Variants in HAPLN3 observed in about 807,000 individuals in gnomAD.
The protein encoded by HAPLN3 is extracellular link domain containing, 1.
Under a neutral mutation model 28.1 loss-of-function variants are expected in HAPLN3, and 28 were observed. The observed-to-expected ratio is 1.00, with a 90% CI of 0.74 to 1.37. The LOEUF (loss-of-function observed/expected upper bound fraction) is 1.37. Among genes scored for constraint, HAPLN3 ranks in the 40% most tolerant of loss-of-function variants. The probability of loss-of-function intolerance (pLI) is 0.00; values close to 1 mark genes in which losing one functional copy is unlikely to be tolerated. For missense variants in HAPLN3, 513 were observed against 504.6 expected, an observed-to-expected ratio of 1.02 and a Z score of -0.16; for synonymous variants, 211 against 213.1, an observed-to-expected ratio of 0.99 and a Z score of 0.09.
chr15:88,889,582 C>T (rs970147334), intron 1 of HAPLN3, among the ~76,000 whole-genome samples: 13 of 152,228 alleles, frequency 8.5e-5, no homozygotes, highest in African/African-American at 2.9e-4. Context: ...GTGATCCGCC[C>T]ACCTCGGCCT....
chr15:88,878,861 T>C lies in HAPLN3; in HGVS notation c.796+106A>G, dbSNP rs944850699. On this transcript the variant is annotated intron_variant, in intron 4 of 4. Transcript: ENST00000359595. ...GGTGCTCTTGGCCTCCAGGTGGCAG[T>C]ACCAGCAGAGCCAGCAGAGGGGGCC... 5.6e-6 allele frequency: 7 copies of C among 1,254,932 alleles called. No individual in the cohort carries two copies. In the African/African-American group the frequency reaches 1.1e-4, roughly 19 times the overall value. The allele number at this position is 1,254,932 out of a possible 1,614,324, so 77.7% of individuals were successfully genotyped here. A position where few individuals can be genotyped will look rare whatever the true frequency, so the allele number is the denominator to read the frequency against.
chr15:88,884,769 G>A (rs889263655), intron 2 of HAPLN3, among the ~76,000 whole-genome samples: 4 of 152,046 alleles, frequency 2.6e-5, no homozygotes, highest in African/African-American at 9.7e-5. Context: ...ATGCAAATGC[G>A]CAAGTACCTG....
At chr15:88,886,060 G>A (rs566128812) in intron 2 of HAPLN3, among the ~76,000 whole-genome samples, 1 of 152,238 alleles carries the variant, frequency 6.6e-6, no homozygotes, top group African/African-American at 2.4e-5. Context: ...TTAAAAATGT[G>A]TATTTTCGGC....
At chr15:88,893,838 G>T (rs1404579006) in intron 1 of HAPLN3, among the ~76,000 whole-genome samples, 4 of 150,316 alleles carry the variant, frequency 2.7e-5, no homozygotes, top group Non-Finnish European at 4.4e-5. Context: ...TGAAGCAGAA[G>T]AATCGCTTGA....
chr15:88,883,292 G>C (rs927753704), intron 2 of HAPLN3, among the ~76,000 whole-genome samples: 1 of 152,246 alleles, frequency 6.6e-6, no homozygotes, highest in African/African-American at 2.4e-5. Context: ...GGCTCATTCA[G>C]ATTAGAGCTG....
rs1213159720 is a variant in HAPLN3 at position 88,888,085 on chromosome 15, G to A, written c.-47-740C>T. On this transcript the variant is annotated intron_variant, in intron 1 of 4. Transcript: ENST00000359595. The surrounding 1 kb of genome is among the most constrained non-coding windows in gnomAD (Gnocchi z 4.1). ...AATAGAGGGTATGTTAAGTAAAGAT[G>A]AGTCCTGCATTGTGAACCCTTTTTT... 2.0e-5 allele frequency among the ~76,000 whole-genome samples: 3 copies of A among 151,458 alleles called. No homozygotes were observed. Among genetic ancestry groups the A allele is most frequent in the South Asian group, 2.1e-4 (1 of 4,802 alleles).
rs1423350820 is a variant in HAPLN3, at chr15:88,878,006, G to A, written c.1047C>T (p.Ser349=). 6.2e-7 allele frequency: 1 copy of A among 1,613,596 alleles called. No homozygotes were observed. Among genetic ancestry groups the A allele is most frequent in the East Asian group, 2.2e-5 (1 of 44,876 alleles). The change falls in exon 5 of 5, where the codon AGC becomes AGT. Residue 349 remains serine, a synonymous_variant. Coordinates refer to ENST00000359595, the MANE Select transcript of HAPLN3 (RefSeq NM_178232.4). ...VRSFGFPDPQ[S]RLYGVYCYRQ... Reference sequence around the variant, plus strand: ...GGTAGCAGTAAACACCGTACAAGCGGCTCTGCGGGTCGGGGAAGCCAAAGC... The same window carrying A: ...GGTAGCAGTAAACACCGTACAAGCGACTCTGCGGGTCGGGGAAGCCAAAGC...
Position 88,881,017 on chromosome 15 carries a change from T to C in HAPLN3, c.493+340A>G, listed in dbSNP as rs978635270. 5 of 337,578 alleles carry C rather than the reference T, an allele frequency of 1.5e-5. No homozygotes were observed. The highest frequency in any genetic ancestry group is 1.4e-4 in the Admixed American group (3 of 21,172). 20.9% of individuals were successfully genotyped at this position (337,578 alleles called of 1,614,324 possible). The stretch of plus-strand genomic sequence containing the variant: ...GCTAACCTTGCTTAAATCTCAGCTC[T>C]GTCTCTAATAAGCTGTGGGACCAGC... On this transcript the variant is annotated intron_variant, in intron 3 of 4. Coordinates refer to ENST00000359595, the MANE Select transcript of HAPLN3 (RefSeq NM_178232.4). This position sits in a 1 kb window ranked among gnomAD's most constrained non-coding sequence, Gnocchi z 6.0.
chr15:88,887,070 G>C, intron 2 of HAPLN3, 105 bp downstream of exon 2: 2 of 1,276,148 alleles, frequency 1.6e-6, no homozygotes, highest in Non-Finnish European at 2.3e-6. Flanking sequence ...TGCTGGAACA[G>C]GGCTGCTGTC....
chr15:88,894,525 A>C (rs957506133), intron 1 of HAPLN3, among the ~76,000 whole-genome samples: 1 of 152,188 alleles, frequency 6.6e-6, no homozygotes, highest in East Asian at 1.9e-4. Context: ...TGTTTGCACA[A>C]GGCTTGATCT....
chr15:88,891,592 C>G (rs979475374), intron 1 of HAPLN3, among the ~76,000 whole-genome samples: 1 of 152,218 alleles, frequency 6.6e-6, no homozygotes, highest in Non-Finnish European at 1.5e-5. Context: ...GCCACCACAC[C>G]TGGTATCTCT....
chr15:88,889,075 T>G (rs538586060), intron 1 of HAPLN3, among the ~76,000 whole-genome samples: 7 of 152,310 alleles, frequency 4.6e-5, no homozygotes, highest in Non-Finnish European at 1.0e-4. Flanking sequence ...GACGGGGCAT[T>G]GCTTCCCAGC....
At position 88,884,955 on chromosome 15, in the gene HAPLN3, G is replaced by A. The variant is rs764395276; in HGVS notation, c.124+2220C>T. 3.9e-5 allele frequency among the ~76,000 whole-genome samples: 6 copies of A among 152,218 alleles called. No homozygotes were observed. The East Asian group carries it at 5.8e-4, about 15-fold the overall frequency. On this transcript the variant is annotated intron_variant, in intron 2 of 4. Transcript: ENST00000359595. ...AGCCACAGGAGGTACAGTCCTATCC[G>A]CACCTCGATTTCTGCACAGTGAAAC...
chr15:88,888,389 C>A lies in HAPLN3; in HGVS notation c.-47-1044G>T, dbSNP rs1225339880. Among the ~76,000 whole-genome samples the A allele has an allele frequency of 6.6e-6, 1 of 152,200 alleles. No homozygotes were observed. Among genetic ancestry groups the A allele is most frequent in the Non-Finnish European group, 1.5e-5 (1 of 68,036 alleles). ...TACAGGCATAAGCCACTGCGCCCAA[C>A]TCAAAAATAATTTTTGAACACCATG... is the stretch of plus-strand genomic sequence containing the variant. On this transcript the variant is annotated intron_variant, in intron 1 of 4. Coordinates refer to ENST00000359595, the MANE Select transcript of HAPLN3 (RefSeq NM_178232.4). The surrounding 1 kb of genome is among the most constrained non-coding windows in gnomAD (Gnocchi z 4.1).
chr15:88,893,728 G>A (rs1263653662), intron 1 of HAPLN3, among the ~76,000 whole-genome samples: 2 of 152,058 alleles, frequency 1.3e-5, no homozygotes, highest in African/African-American at 2.4e-5. Context: ...AAGAGTTCAA[G>A]ACTAGCCTGG....
intron 1 of HAPLN3, among the ~76,000 whole-genome samples, chr15:88,890,778 A>C (rs1271138555): frequency 6.6e-6 from 1 of 152,216 alleles, no homozygotes; most frequent in Non-Finnish European, 1.5e-5. Flanking sequence ...TGGAAACCAC[A>C]GATTGAATGG....
chr15:88,879,024 G>T lies in HAPLN3; in HGVS notation c.739C>A (p.Pro247Thr). 1 of 1,609,112 alleles carries T rather than the reference G, an allele frequency of 6.2e-7. No homozygotes were observed. The highest frequency in any genetic ancestry group is 1.7e-4 in the Middle Eastern group (1 of 6,048). ...GLAPGVRSYG[P>T]RHRRLHRYDV... is the part of the protein sequence containing the mutation. ...TAGCGGTGCAGGCGGCGGTGGCGGG[G>T]GCCGTAGCTTCGCACGCCAGGTGCC... The change falls in exon 4 of 5, where the codon CCC (proline) becomes ACC (threonine). Residue 247 changes from proline (P) to threonine (T), a missense_variant. Coordinates refer to ENST00000359595, the MANE Select transcript of HAPLN3 (RefSeq NM_178232.4). The surrounding 1 kb of genome is among the most constrained non-coding windows in gnomAD (Gnocchi z 5.0).
chr15:88,879,902 C>T lies in HAPLN3; in HGVS notation c.494-633G>A. 1 of 1,014,730 alleles carries T rather than the reference C, an allele frequency of 9.9e-7. No individual in the cohort carries two copies. The highest frequency in any genetic ancestry group is 1.2e-6 in the Non-Finnish European group (1 of 847,510). The allele number at this position is 1,014,730 out of a possible 1,614,324, so 62.9% of individuals were successfully genotyped here. ...ATATGTTCGTGTTTGAAATTTTACTCTAATAAAAAGTTTTTAAACTTCTGA... is the reference window on the plus strand; with the variant it reads ...ATATGTTCGTGTTTGAAATTTTACTTTAATAAAAAGTTTTTAAACTTCTGA... On this transcript the variant is annotated intron_variant, in intron 3 of 4. Transcript: ENST00000359595. This position sits in a 1 kb window ranked among gnomAD's most constrained non-coding sequence, Gnocchi z 5.0.
intron 2 of HAPLN3, among the ~76,000 whole-genome samples, chr15:88,885,767 C>T (rs1300014944): frequency 6.6e-6 from 1 of 151,906 alleles, no homozygotes; most frequent in Non-Finnish European, 1.5e-5. Flanking sequence ...TTTTTTGTAT[C>T]TTTAGTAGAG....
Sources: allele counts gnomAD v4.1 joint callset (sites outside exome capture counted in the v4.1 genomes callset), GRCh38; gene constraint gnomAD v4.1.1; non-coding constraint Gnocchi (gnomAD v3.1); transcripts MANE v1.5; gene names NCBI Gene and HGNC (gene_info 2026-07-23, HGNC 2026-07-21).